SDK1: variants seen among roughly 807,000 people sequenced by gnomAD.
The protein encoded by SDK1 is sidekick cell adhesion molecule 1.
A neutral mutation model predicts 245.5 loss-of-function variants in SDK1; 157 were observed. The observed-to-expected ratio is 0.64, with a 90% CI of 0.56 to 0.73. The LOEUF (loss-of-function observed/expected upper bound fraction) is 0.73. Among genes scored for constraint, SDK1 ranks in the 30% least tolerant of loss-of-function variants. The pLI, the probability that SDK1 is intolerant of heterozygous loss-of-function variation, is 0.00. For missense variants in SDK1, 3,583 were observed against 3,002.3 expected, an observed-to-expected ratio of 1.19 and a Z score of -4.52; for synonymous variants, 1,647 against 1,278.5, an observed-to-expected ratio of 1.29 and a Z score of -6.15.
intron 11 of SDK1, 139 bp from the exon 12 acceptor site, chr7:3,971,327 G>C: frequency 1.5e-6 from 1 of 647,982 alleles, no homozygotes; most frequent in Non-Finnish European, 2.8e-6. Context: ...TTCTGAGAGT[G>C]ATCCATTTAC....
At chr7:3,646,105 C>A (rs1186762152) in intron 4 of SDK1, among the ~76,000 whole-genome samples, 1 of 152,152 alleles carries the variant, frequency 6.6e-6, no homozygotes, top group Non-Finnish European at 1.5e-5. Context: ...GATCCACCCA[C>A]CTCGGCCTCC....
chr7:3,731,122 TC>T (rs1779163758), intron 4 of SDK1, among the ~76,000 whole-genome samples: 1 of 152,208 alleles, frequency 6.6e-6, no homozygotes, highest in Admixed American at 6.5e-5. Flanking sequence ...TTTCTGCTAG[TC>T]TGCACTCACT....
chr7:3,774,230 A>T (rs569426660), intron 4 of SDK1, among the ~76,000 whole-genome samples: 37 of 152,122 alleles, frequency 2.4e-4, no homozygotes, highest in Non-Finnish European at 4.4e-4. Flanking sequence ...AAAAAAAAAA[A>T]AAAGAATACT....
At chr7:3,364,306 G>A (rs948449082) in intron 1 of SDK1, among the ~76,000 whole-genome samples, 1 of 152,134 alleles carries the variant, frequency 6.6e-6, no homozygotes, top group Non-Finnish European at 1.5e-5. Flanking sequence ...AGATTGATAA[G>A]TTTTTTCTTT....
At chr7:3,647,611 T>C (rs185449402) in intron 4 of SDK1, among the ~76,000 whole-genome samples, 367 of 152,156 alleles carry the variant, frequency 2.4e-3, no homozygotes, top group Non-Finnish European at 3.7e-3. Context: ...TGTATTTTTA[T>C]TGGAGACTTT....
intron 5 of SDK1, among the ~76,000 whole-genome samples, chr7:3,909,822 A>G (rs1047308778): frequency 2.6e-5 from 4 of 152,184 alleles, no homozygotes; most frequent in African/African-American, 9.7e-5. Flanking sequence ...GCACCTCTTC[A>G]TATATAAATC....
chr7:4,064,383 C>T (rs1393044243), intron 19 of SDK1, among the ~76,000 whole-genome samples: 2 of 152,118 alleles, frequency 1.3e-5, no homozygotes, highest in Non-Finnish European at 2.9e-5. Context: ...ACCATTTTAT[C>T]CCAGTCAGAA....
chr7:3,398,557 G>A (rs866742896), intron 1 of SDK1, among the ~76,000 whole-genome samples: 10 of 151,854 alleles, frequency 6.6e-5, no homozygotes, highest in Admixed American at 3.3e-4. Context: ...AGAAGGCTCC[G>A]GGCATATTTC....
chr7:3,870,608 A>G (rs1047930579), intron 5 of SDK1, among the ~76,000 whole-genome samples: 12 of 152,280 alleles, frequency 7.9e-5, no homozygotes, highest in African/African-American at 2.2e-4. Context: ...ATAATTTTAG[A>G]TTTACAGAAG....
chr7:3,620,730 G>T (rs565849708), intron 2 of SDK1, among the ~76,000 whole-genome samples: 1 of 152,148 alleles, frequency 6.6e-6, no homozygotes, highest in East Asian at 1.9e-4. Flanking sequence ...CGGCTGAGCA[G>T]AGCTGCCCCC....
At chr7:3,590,141 C>G (rs988138708) in intron 1 of SDK1, among the ~76,000 whole-genome samples, 1 of 152,138 alleles carries the variant, frequency 6.6e-6, no homozygotes, top group African/African-American at 2.4e-5. Context: ...GAATGTAAAG[C>G]TTATAGCAGG....
chr7:4,141,450 A>G (rs758237307), intron 28 of SDK1, among the ~76,000 whole-genome samples: 1 of 152,240 alleles, frequency 6.6e-6, no homozygotes, highest in Non-Finnish European at 1.5e-5. Flanking sequence ...AACAGTAAAG[A>G]TTAAACAATA....
intron 1 of SDK1, among the ~76,000 whole-genome samples, chr7:3,342,370 C>G (rs1052224664): frequency 2.0e-5 from 3 of 152,216 alleles, no homozygotes; most frequent in African/African-American, 4.8e-5. Context: ...GGGTGGATCA[C>G]CTGAGGTCGG....
rs190950654 is a variant in SDK1, at chr7:3,859,211, C to G, written c.847+37628C>G. ...TTGTGGGTCATGAATTGGAAAAGGG[C>G]TCGGCAGGTGATGGTTGGGGGCTCA... On this transcript the variant is annotated intron_variant, in intron 5 of 44. Transcript: ENST00000404826. Among the ~76,000 whole-genome samples, 312 of 152,190 alleles carry G rather than the reference C, an allele frequency of 2.1e-3. 8 individuals carry two copies. In the South Asian group the frequency reaches 0.028, roughly 14 times the overall value.
intron 1 of SDK1, among the ~76,000 whole-genome samples, chr7:3,396,413 C>T (rs927154069): frequency 2.6e-5 from 4 of 151,718 alleles, no homozygotes; most frequent in Admixed American, 2.0e-4. Context: ...AGTTGATTGG[C>T]AGTGTTATAA....
At chr7:4,038,167 A>G (rs1414161425) in intron 17 of SDK1, among the ~76,000 whole-genome samples, 1 of 152,160 alleles carries the variant, frequency 6.6e-6, no homozygotes, top group Admixed American at 6.5e-5. Context: ...CCTTTGAATC[A>G]GTTGAGGACA....
chr7:3,646,090 CTTG>C (rs1782826739), intron 4 of SDK1, among the ~76,000 whole-genome samples: 1 of 152,112 alleles, frequency 6.6e-6, no homozygotes, highest in Non-Finnish European at 1.5e-5. Flanking sequence ...AACTCCTGAC[CTTG>C]TGATCCACCC....
At chr7:3,718,056 A>T (rs1315407871) in intron 4 of SDK1, among the ~76,000 whole-genome samples, 1 of 152,202 alleles carries the variant, frequency 6.6e-6, no homozygotes, top group African/African-American at 2.4e-5. Context: ...AAGTACAGGA[A>T]GAATTAGACA....
intron 13 of SDK1, among the ~76,000 whole-genome samples, chr7:3,983,551 A>G (rs565484391): frequency 6.8e-4 from 103 of 152,246 alleles, no homozygotes; most frequent in Non-Finnish European, 7.6e-4. Flanking sequence ...AATAGACTGC[A>G]GTAGAGTATA....
Sources: allele counts gnomAD v4.1 joint callset (sites outside exome capture counted in the v4.1 genomes callset), GRCh38; gene constraint gnomAD v4.1.1; transcripts MANE v1.5; gene names NCBI Gene and HGNC (gene_info 2026-07-23, HGNC 2026-07-21).